Variants in ARIH2 observed in about 807,000 individuals in gnomAD.
ARIH2 encodes E3 ubiquitin-protein ligase ARIH2.
Under a neutral mutation model 79.8 loss-of-function variants are expected in ARIH2, and 12 were observed. That is an observed-to-expected ratio of 0.15 (90% CI 0.10 to 0.24). ARIH2 has a LOEUF of 0.24. Ranked by LOEUF, ARIH2 falls within the 10% of genes least tolerant of loss-of-function variation. The pLI is 1.00. For missense variants in ARIH2, 301 were observed against 618.3 expected (o/e 0.49, Z 5.44); for synonymous variants, 224 against 213.9 (o/e 1.05, Z -0.41).
intron 11 of ARIH2, 103 bp downstream of exon 11, chr3:48,975,082 G>C (rs915168485): frequency 2.4e-5 from 38 of 1,589,484 alleles, no homozygotes; most frequent in Admixed American, 5.0e-5. Flanking sequence ...ACAAAACATA[G>C]AAGAACCTCA....
rs148411979 is a variant in ARIH2 at position 48,929,437 on chromosome 3, G to A, written c.255+1624G>A. ...CTTCTTATACATGGTCAGCCTCCTG[G>A]AAAGCTTTCCCTTCGCCGCCTCATC... On this transcript the variant is annotated intron_variant, in intron 3 of 15. Transcript: ENST00000356401. Among the ~76,000 whole-genome samples the A allele has an allele frequency of 6.2e-3, 947 of 152,042 alleles. 14 individuals carry two copies. The highest frequency in any genetic ancestry group is 0.022 in the African/African-American group (904 of 41,466).
In ARIH2 at chr3:48,981,640, TCTC is replaced by T; in HGVS notation, c.1258-19_1258-17del. ...CTTAGAATCACAGACACAGGTTCCTTCTCTTCTCTCCTGTTGCAGTGTCGATAC... is the reference window on the plus strand; with the variant it reads ...CTTAGAATCACAGACACAGGTTCCTTTTCTCTCCTGTTGCAGTGTCGATAC... On this transcript the variant is annotated splice_polypyrimidine_tract_variant and intron_variant, in intron 13 of 15. Coordinates refer to ENST00000356401, the MANE Select transcript of ARIH2 (RefSeq NM_006321.4). 1 of 1,606,368 alleles carries T rather than the reference TCTC, an allele frequency of 6.2e-7. No homozygotes were observed. Among genetic ancestry groups the T allele is most frequent in the Non-Finnish European group, 8.5e-7 (1 of 1,174,150 alleles).
In ARIH2 at chr3:48,947,969, A is replaced by G. The variant is rs374826194; in HGVS notation, c.256-13643A>G. On this transcript the variant is annotated intron_variant, in intron 3 of 15. Coordinates refer to ENST00000356401, the MANE Select transcript of ARIH2 (RefSeq NM_006321.4). ...TTTTATTTTTATTTTTATTTTGTTT[A>G]TTTATTTTTTTGAGACAGTCTTGCT... Among the ~76,000 whole-genome samples the G allele has an allele frequency of 2.0e-5, 3 of 149,238 alleles. No individual in the cohort carries two copies. In the South Asian group the frequency reaches 6.4e-4, roughly 32 times the overall value.
In ARIH2 at chr3:48,982,876, C is replaced by T; in HGVS notation, c.1327-20C>T. The T allele has an allele frequency of 6.2e-7, 1 of 1,610,956 alleles. No homozygotes were observed. The highest frequency in any genetic ancestry group is 1.3e-5 in the African/African-American group (1 of 74,978). On this transcript the variant is annotated intron_variant, in intron 14 of 15. Transcript: ENST00000356401. ...GCCACAGCCCACTCACCTTTTGACC[C>T]TCCTGCTCTGCCTATACAGTTTGAA...
chr3:48,926,111 A>C (rs1395939875), intron 2 of ARIH2, among the ~76,000 whole-genome samples: 3 of 152,200 alleles, frequency 2.0e-5, no homozygotes, highest in African/African-American at 7.2e-5. Context: ...TGTTTGCCAC[A>C]ATCTTCTGTG....
chr3:48,968,320 G>T, intron 6 of ARIH2: 1 of 362,660 alleles, frequency 2.8e-6, no homozygotes, highest in Non-Finnish European at 5.3e-6. Context: ...CCATTCTCCT[G>T]CCCCAGCCTC....
intron 3 of ARIH2, among the ~76,000 whole-genome samples, chr3:48,933,098 A>G (rs1322981743): frequency 6.6e-6 from 1 of 152,182 alleles, no homozygotes; most frequent in Non-Finnish European, 1.5e-5. Flanking sequence ...TGTTTTTGAG[A>G]CAGCGCCTCA....
At chr3:48,962,742 T>G (rs1001550732) in intron 4 of ARIH2, among the ~76,000 whole-genome samples, 2 of 152,230 alleles carry the variant, frequency 1.3e-5, no homozygotes, top group Non-Finnish European at 2.9e-5. Context: ...TCCTTGGCAA[T>G]CAAAATGTCT....
chr3:48,920,241 A>G (rs1171024268), intron 1 of ARIH2, among the ~76,000 whole-genome samples: 1 of 152,000 alleles, frequency 6.6e-6, no homozygotes, highest in Non-Finnish European at 1.5e-5. Flanking sequence ...TTGACCTCCT[A>G]AAGTGCTGGG....
chr3:48,933,253 T>G (rs1465210188), intron 3 of ARIH2, among the ~76,000 whole-genome samples: 9 of 37,914 alleles, frequency 2.4e-4, no homozygotes, highest in South Asian at 2.1e-3. Context: ...TGTGTGTGTG[T>G]GTGTGTGTGT....
chr3:48,918,888 C>A lies in ARIH2; in HGVS notation c.-272C>A, dbSNP rs1315050037. 17 of 1,605,018 alleles carry A rather than the reference C, an allele frequency of 1.1e-5. No individual in the cohort carries two copies. The highest frequency in any genetic ancestry group is 1.4e-5 in the Non-Finnish European group (17 of 1,178,030). On this transcript the variant is annotated 5_prime_UTR_variant, in exon 1 of 16. Transcript: ENST00000356401. ...CTGGAGGAAGCAGCGCGGGCTTGAC[C>A]GGCGTCGGCCCGCCGCCTCCGCTGC... is the stretch of plus-strand genomic sequence containing the variant.
chr3:48,959,723 T>C (rs1576407017), intron 3 of ARIH2, among the ~76,000 whole-genome samples: 1 of 149,638 alleles, frequency 6.7e-6, no homozygotes, highest in Admixed American at 6.6e-5. Context: ...GCCACTTACC[T>C]TGGAAGGAAA....
intron 2 of ARIH2, among the ~76,000 whole-genome samples, chr3:48,926,082 G>A (rs572653268): frequency 2.6e-5 from 4 of 152,278 alleles, no homozygotes; most frequent in African/African-American, 9.6e-5. Flanking sequence ...AATGGTAGTT[G>A]TGTAGAAAAG....
rs966691285 is a variant in ARIH2, at chr3:48,983,822, G to C, written c.*552G>C. ...GTCCCAAAGAAGAGCATGGGTGGCA[G>C]ATGGTAGGGAATTGAACTGGCCTGT... On this transcript the variant is annotated 3_prime_UTR_variant, in exon 16 of 16. Coordinates refer to ENST00000356401, the MANE Select transcript of ARIH2 (RefSeq NM_006321.4). 3.2e-5 allele frequency: 5 copies of C among 158,578 alleles called. No homozygotes were observed. Among genetic ancestry groups the C allele is most frequent in the African/African-American group, 1.2e-4 (5 of 41,490 alleles). 9.8% of individuals were successfully genotyped at this position (158,578 alleles called of 1,614,324 possible). A position where few individuals can be genotyped will look rare whatever the true frequency, so the allele number is the denominator to read the frequency against.
intron 3 of ARIH2, among the ~76,000 whole-genome samples, chr3:48,935,435 T>G (rs1166256261): frequency 6.6e-6 from 1 of 152,234 alleles, no homozygotes; most frequent in African/African-American, 2.4e-5. Flanking sequence ...GCTTTCTGCA[T>G]TGGGCATTTA....
At chr3:48,958,164 A>G (rs1169268355) in intron 3 of ARIH2, among the ~76,000 whole-genome samples, 1 of 152,158 alleles carries the variant, frequency 6.6e-6, no homozygotes, top group East Asian at 1.9e-4. Context: ...CTCAACAACA[A>G]CAACAAATCA....
At position 48,930,188 on chromosome 3, in the gene ARIH2, T is replaced by G. The variant is rs536000239; in HGVS notation, c.255+2375T>G. On this transcript the variant is annotated intron_variant, in intron 3 of 15. Coordinates refer to ENST00000356401, the MANE Select transcript of ARIH2 (RefSeq NM_006321.4). ...CTGGTGTTTTAAGTGATTCAGAAAC[T>G]TGACCAAAGAGACTGGACAGAAAAG... Among the ~76,000 whole-genome samples, 211 of 152,270 alleles carry G rather than the reference T, an allele frequency of 1.4e-3. 8 individuals carry two copies. The South Asian group carries it at 0.043, about 31-fold the overall frequency.
At chr3:48,926,577 T>A (rs1359953509) in intron 2 of ARIH2, 1 of 145,204 alleles carries the variant, frequency 6.9e-6, no homozygotes, top group Non-Finnish European at 1.5e-5. Context: ...GCCAATGGAG[T>A]TTCACTCTTG....
intron 3 of ARIH2, among the ~76,000 whole-genome samples, chr3:48,933,122 G>T (rs1396205367): frequency 6.6e-6 from 1 of 152,168 alleles, no homozygotes. Context: ...TGGCACTCAG[G>T]TTGGAGTGCA....
Sources: gnomAD v4.1 joint callset for allele counts (sites outside exome capture counted in the v4.1 genomes callset) on GRCh38, gnomAD v4.1.1 for gene constraint, MANE v1.5 for transcripts, NCBI Gene and HGNC (gene_info 2026-07-23, HGNC 2026-07-21) for gene names.